SUN1: variants seen among roughly 807,000 people sequenced by gnomAD.
The protein encoded by SUN1 is SUN domain-containing protein 1.
Under a neutral mutation model 103.2 loss-of-function variants are expected in SUN1, and 61 were observed. The ratio of observed to expected loss-of-function variants is 0.59; its 90% CI spans 0.48 to 0.73. The LOEUF (loss-of-function observed/expected upper bound fraction) is 0.73, where lower values mean the gene tolerates loss of function less well. Ranked by LOEUF, SUN1 falls within the 30% of genes least tolerant of loss-of-function variation. The pLI, the probability that SUN1 is intolerant of heterozygous loss-of-function variation, is 0.00. For missense variants in SUN1, 1,052 were observed against 1,034.6 expected (o/e 1.02, Z -0.23); for synonymous variants, 490 against 425.7 (o/e 1.15, Z -1.86).
intron 5 of SUN1, 78 bp from the exon 6 acceptor site, chr7:851,306 G>T: frequency 7.8e-7 from 1 of 1,277,722 alleles, no homozygotes. Context: ...TGTGTGGCTT[G>T]GGCGTCCCCA....
At chr7:829,492 G>A (rs1016347797), upstream of SUN1, among the ~76,000 whole-genome samples, 15 of 152,032 alleles carry the variant, frequency 9.9e-5, no homozygotes, top group Non-Finnish European at 2.1e-4. Flanking sequence ...TTCATTTAGG[G>A]TAGGGTGAAC....
At chr7:844,775 C>T (rs1813636265) in intron 5 of SUN1, among the ~76,000 whole-genome samples, 1 of 152,144 alleles carries the variant, frequency 6.6e-6, no homozygotes, top group Non-Finnish European at 1.5e-5. Flanking sequence ...CCCCTTATTA[C>T]AGACAAGCAA....
intron 2 of SUN1, among the ~76,000 whole-genome samples, chr7:840,997 G>A (rs531555350): frequency 1.0e-4 from 15 of 150,664 alleles, no homozygotes; most frequent in South Asian, 8.4e-4. Flanking sequence ...GCAATGGCGC[G>A]ATCTTGGCTC....
chr7:835,716 C>T (rs1179673658), intron 1 of SUN1, among the ~76,000 whole-genome samples: 1 of 152,218 alleles, frequency 6.6e-6, no homozygotes, highest in Admixed American at 6.5e-5. Context: ...CCTCTGTTAG[C>T]GCTGAGGCTG....
At chr7:849,628 G>A in intron 5 of SUN1, 1 of 1,516,134 alleles carries the variant, frequency 6.6e-7, no homozygotes, top group Non-Finnish European at 8.9e-7. Flanking sequence ...GTTTTCCTGT[G>A]GGCGTCGGTC....
chr7:854,410 A>G (rs924279899), intron 10 of SUN1, among the ~76,000 whole-genome samples: 3 of 152,266 alleles, frequency 2.0e-5, no homozygotes, highest in Non-Finnish European at 2.9e-5. Flanking sequence ...ATGTTCATCA[A>G]CACCACACAG....
chr7:867,368 C>T (rs975265755), intron 16 of SUN1, among the ~76,000 whole-genome samples: 4 of 152,266 alleles, frequency 2.6e-5, no homozygotes, highest in Admixed American at 6.5e-5. Context: ...CCTGGCAGGG[C>T]CAACAGGTTT....
At chr7:831,092 C>G (rs1373929987), upstream of SUN1, 5 of 803,424 alleles carry the variant, frequency 6.2e-6, no homozygotes, top group East Asian at 6.3e-4. Flanking sequence ...GGGAGAGAGA[C>G]AGTTAAACAG....
rs1053993727 is a variant in SUN1 at position 834,348 on chromosome 7, C to T, written c.77+1747C>T. Among the ~76,000 whole-genome samples the T allele has an allele frequency of 4.6e-5, 7 of 152,218 alleles. No individual in the cohort carries two copies. The East Asian group carries it at 1.4e-3, about 29-fold the overall frequency. On this transcript the variant is annotated intron_variant, in intron 1 of 18. Coordinates refer to ENST00000401592, the MANE Select transcript of SUN1 (RefSeq NM_001130965.3). ...GGTCAGGGGCTGTCCAGGAGATGGC[C>T]GGAGTGCCTCGGGGAGGTCCAGCTC... is the stretch of plus-strand genomic sequence containing the variant.
intron 1 of SUN1, among the ~76,000 whole-genome samples, chr7:836,038 T>C (rs1394167640): frequency 6.6e-6 from 1 of 152,218 alleles, no homozygotes; most frequent in Non-Finnish European, 1.5e-5. Context: ...AGAAGCCGCT[T>C]CAGAGCCTCC....
In SUN1 at chr7:874,614, T is replaced by G. The variant is rs144783347; in HGVS notation, c.*1283T>G. 1 of 152,458 alleles carries G rather than the reference T, an allele frequency of 6.6e-6. No homozygotes were observed. Among genetic ancestry groups the G allele is most frequent in the Non-Finnish European group, 1.5e-5 (1 of 68,020 alleles). The allele number at this position is 152,458 out of a possible 1,614,324, so 9.4% of individuals were successfully genotyped here. ...ACATCAAGCAGCATTTTTTTCACTC[T>G]CCTTAGAATTGGAACTATGCAGTTA... On this transcript the variant is annotated 3_prime_UTR_variant, in exon 19 of 19. Transcript: ENST00000401592.
intron 10 of SUN1, among the ~76,000 whole-genome samples, chr7:853,995 G>A (rs919470042): frequency 2.0e-5 from 3 of 151,946 alleles, no homozygotes; most frequent in African/African-American, 7.3e-5. Flanking sequence ...GACACAAACC[G>A]TCTCGTGTGG....
intron 10 of SUN1, among the ~76,000 whole-genome samples, chr7:854,325 C>T (rs1023961325): frequency 2.0e-5 from 3 of 152,342 alleles, no homozygotes; most frequent in East Asian, 3.9e-4. Context: ...GCTCAGCCCC[C>T]GAGCCTCTAG....
intron 1 of SUN1, among the ~76,000 whole-genome samples, chr7:836,683 C>G (rs755856441): frequency 4.6e-5 from 7 of 152,202 alleles, no homozygotes; most frequent in Non-Finnish European, 8.8e-5. Context: ...GGGCAGTCTG[C>G]TTTCCTAGTG....
intron 1 of SUN1, among the ~76,000 whole-genome samples, chr7:837,293 G>A (rs1407993570): frequency 1.3e-5 from 2 of 152,226 alleles, no homozygotes; most frequent in Non-Finnish European, 2.9e-5. Context: ...CTGAGCAGCG[G>A]TCTGAAGCAC....
intron 5 of SUN1, chr7:849,894 A>T: frequency 6.3e-7 from 1 of 1,578,582 alleles, no homozygotes; most frequent in Non-Finnish European, 8.6e-7. Context: ...TGAATCCGCC[A>T]CACTCACTGC....
At chr7:818,786 T>C (rs1783214925) in intron 1 of SUN1, among the ~76,000 whole-genome samples, 2 of 152,178 alleles carry the variant, frequency 1.3e-5, no homozygotes, top group Middle Eastern at 3.2e-3. Flanking sequence ...ACCAGTGAAG[T>C]TGAGAATTGT....
intron 5 of SUN1, chr7:850,816 G>C (rs1444408191): frequency 6.6e-6 from 1 of 150,402 alleles, no homozygotes; most frequent in Non-Finnish European, 1.5e-5. Context: ...GATTTCATGA[G>C]CAGTTTCCTG....
At chr7:843,267 T>A in intron 4 of SUN1, 35 bp downstream of exon 4, 1 of 1,606,448 alleles carries the variant, frequency 6.2e-7, no homozygotes, top group Non-Finnish European at 8.5e-7. Flanking sequence ...TCATATACTT[T>A]TCAAAATAGA....
Sources: gnomAD v4.1 joint callset for allele counts (sites outside exome capture counted in the v4.1 genomes callset) on GRCh38, gnomAD v4.1.1 for gene constraint, MANE v1.5 for transcripts, NCBI Gene and HGNC (gene_info 2026-07-23, HGNC 2026-07-21) for gene names.